PRDM5: variants seen among roughly 807,000 people sequenced by gnomAD.
PRDM5 encodes PR/SET domain 5.
In PRDM5, 56 loss-of-function variants were observed where a neutral mutation model predicts 81.2. The ratio of observed to expected loss-of-function variants is 0.69; its 90% confidence interval spans 0.56 to 0.86. The LOEUF (loss-of-function observed/expected upper bound fraction) is 0.86. Among genes scored for constraint, PRDM5 ranks in the 40% least tolerant of loss-of-function variants. PRDM5 has a pLI of 0.00. For synonymous variants in PRDM5, 267 were observed against 256.4 expected (o/e 1.04, Z -0.39); for missense variants, 697 against 770.1 (o/e 0.91, Z 1.12).
At chr4:120,765,412 G>A (rs1204263368) in intron 13 of PRDM5, among the ~76,000 whole-genome samples, 1 of 152,126 alleles carries the variant, frequency 6.6e-6, no homozygotes, top group Non-Finnish European at 1.5e-5. Context: ...CATAATTTAT[G>A]AACAACTGAT....
Position 120,715,685 on chromosome 4 carries a change from A to G in PRDM5, c.1624-5272T>C, listed in dbSNP as rs901245623. Among the ~76,000 whole-genome samples the G allele has an allele frequency of 1.9e-4, 29 of 152,304 alleles. No homozygotes were observed. The East Asian group carries it at 4.0e-3, about 21-fold the overall frequency. On this transcript the variant is annotated intron_variant, in intron 14 of 15. Coordinates refer to ENST00000264808, the MANE Select transcript of PRDM5 (RefSeq NM_018699.4). ...TAAAAAAACATACAAAGACATTATT[A>G]TGAAGTATATGAGAAGAAACAAAAA... is the stretch of plus-strand genomic sequence containing the variant.
chr4:120,752,671 G>A (rs1278500569), intron 14 of PRDM5, among the ~76,000 whole-genome samples: 1 of 152,142 alleles, frequency 6.6e-6, no homozygotes, highest in Non-Finnish European at 1.5e-5. Flanking sequence ...ACAGTGGAAT[G>A]AGAAAATATT....
chr4:120,741,587 A>C (rs551733183), intron 14 of PRDM5, among the ~76,000 whole-genome samples: 1 of 152,072 alleles, frequency 6.6e-6, no homozygotes, highest in African/African-American at 2.4e-5. Context: ...GCACGAGCCG[A>C]AGCAGGGCCA....
intron 2 of PRDM5, among the ~76,000 whole-genome samples, chr4:120,870,240 T>C (rs1294665960): frequency 6.6e-6 from 1 of 152,178 alleles, no homozygotes; most frequent in Non-Finnish European, 1.5e-5. Flanking sequence ...CTGAGAGCCA[T>C]ATGATGATTT....
chr4:120,890,842 G>A (rs1298375738), intron 2 of PRDM5, among the ~76,000 whole-genome samples: 2 of 152,042 alleles, frequency 1.3e-5, no homozygotes. Flanking sequence ...TTGTTAATTT[G>A]TTTAAGTACC....
At chr4:120,825,337 T>A (rs1390878069) in intron 3 of PRDM5, among the ~76,000 whole-genome samples, 1 of 152,210 alleles carries the variant, frequency 6.6e-6, no homozygotes, top group Non-Finnish European at 1.5e-5. Context: ...GTTAACATAT[T>A]CATTTTGTGT....
chr4:120,789,146 A>G (rs772582494), intron 10 of PRDM5, among the ~76,000 whole-genome samples: 34 of 152,188 alleles, frequency 2.2e-4, no homozygotes, highest in Non-Finnish European at 4.1e-4. Flanking sequence ...TCCCAATGTA[A>G]CAAATGAACT....
intron 14 of PRDM5, among the ~76,000 whole-genome samples, chr4:120,743,494 A>G (rs1742437446): frequency 7.1e-6 from 1 of 141,546 alleles, no homozygotes; most frequent in Non-Finnish European, 1.5e-5. Context: ...CAAATTGGAT[A>G]AAGAGTCAAG....
intron 2 of PRDM5, among the ~76,000 whole-genome samples, chr4:120,866,088 C>T (rs1157031254): frequency 6.6e-6 from 1 of 152,206 alleles, no homozygotes; most frequent in African/African-American, 2.4e-5. Context: ...AATTCTTCCA[C>T]CTCCTCATAC....
At chr4:120,920,184 C>T (rs1277147544) in intron 1 of PRDM5, among the ~76,000 whole-genome samples, 1 of 152,080 alleles carries the variant, frequency 6.6e-6, no homozygotes, top group African/African-American at 2.4e-5. Context: ...AGCAAGATTC[C>T]CCAACCTCAG....
At chr4:120,748,162 G>T (rs1743421313) in intron 14 of PRDM5, among the ~76,000 whole-genome samples, 2 of 152,170 alleles carry the variant, frequency 1.3e-5, no homozygotes, top group African/African-American at 4.8e-5. Flanking sequence ...TGGACACAAA[G>T]AGTTCAGCAA....
chr4:120,777,104 T>C, intron 13 of PRDM5, 84 bp downstream of exon 13: 1 of 1,607,092 alleles, frequency 6.2e-7, no homozygotes, highest in Non-Finnish European at 8.5e-7. Flanking sequence ...TGGAAGATAT[T>C]TGTATTATTA....
intron 10 of PRDM5, among the ~76,000 whole-genome samples, chr4:120,792,304 C>T (rs1237253951): frequency 1.3e-5 from 2 of 152,190 alleles, no homozygotes; most frequent in African/African-American, 2.4e-5. Flanking sequence ...TCCACTGGTG[C>T]GGAGACTGAA....
intron 14 of PRDM5, among the ~76,000 whole-genome samples, chr4:120,750,361 G>A (rs868253303): frequency 9.2e-5 from 14 of 152,156 alleles, no homozygotes; most frequent in Middle Eastern, 3.2e-3. Context: ...AAGCACCAGC[G>A]GGCTACTGCC....
At chr4:120,919,905 A>G (rs956093825) in intron 1 of PRDM5, among the ~76,000 whole-genome samples, 1 of 152,134 alleles carries the variant, frequency 6.6e-6, no homozygotes, top group Non-Finnish European at 1.5e-5. Flanking sequence ...AAGCTTTCTA[A>G]CTGACTCTTT....
intron 8 of PRDM5, chr4:120,810,348 T>G (rs1753654112): frequency 1.3e-5 from 2 of 152,136 alleles, no homozygotes; most frequent in Non-Finnish European, 2.9e-5. Context: ...ATGAACTGCT[T>G]CAGCCATAAG....
At position 120,922,627 on chromosome 4, in the gene PRDM5, C is replaced by A. The variant is rs1465173619; in HGVS notation, c.-19G>T. 18 of 1,563,912 alleles carry A rather than the reference C, an allele frequency of 1.2e-5. No individual in the cohort carries two copies. Among genetic ancestry groups the A allele is most frequent in the Admixed American group, 1.9e-5 (1 of 52,066 alleles). On this transcript the variant is annotated 5_prime_UTR_variant, in exon 1 of 16. Transcript: ENST00000264808. ...CCAGCATTTTCCCGGGCGCGGCGGC[C>A]GCCGCCTCTCTCAACACCGGCGCTT... is the stretch of plus-strand genomic sequence containing the variant.
At chr4:120,917,768 CTCTTT>C (rs760003878) in intron 1 of PRDM5, among the ~76,000 whole-genome samples, 7 of 150,650 alleles carry the variant, frequency 4.6e-5, no homozygotes, top group South Asian at 2.1e-4. Flanking sequence ...AGTGAGTTTA[CTCTTT>C]TCTTATTTTT....
chr4:120,783,993 AG>A (rs1339394187), intron 11 of PRDM5, among the ~76,000 whole-genome samples: 1 of 152,160 alleles, frequency 6.6e-6, no homozygotes, highest in Non-Finnish European at 1.5e-5. Context: ...AAGTTTAAGC[AG>A]CAGTAGGAAC....
Sources: gnomAD v4.1 joint callset for allele counts (sites outside exome capture counted in the v4.1 genomes callset) on GRCh38, gnomAD v4.1.1 for gene constraint, MANE v1.5 for transcripts, NCBI Gene and HGNC (gene_info 2026-07-23, HGNC 2026-07-21) for gene names.